Variants in ST8SIA2 observed in about 807,000 individuals in gnomAD.
ST8SIA2 encodes the protein ST8 alpha-N-acetyl-neuraminide alpha-2,8-sialyltransferase 2, also known as alpha-2,8-sialyltransferase 8B.
In ST8SIA2, 22 loss-of-function variants were observed where a neutral mutation model predicts 37.6. The ratio of observed to expected loss-of-function variants is 0.58; its 90% confidence interval spans 0.42 to 0.83. ST8SIA2 has a LOEUF of 0.83. ST8SIA2 is among the 40% of genes least tolerant of loss of function. The pLI is 0.00. For synonymous variants in ST8SIA2, 205 were observed against 201.2 expected, an observed-to-expected ratio of 1.02 and a Z score of -0.16; for missense variants, 382 against 484.7, an observed-to-expected ratio of 0.79 and a Z score of 1.99.
chr15:92,442,465 A>G (rs1445868428), intron 4 of ST8SIA2, among the ~76,000 whole-genome samples: 19 of 151,940 alleles, frequency 1.3e-4, no homozygotes, highest in Admixed American at 9.8e-4. Context: ...CATCCCCTTC[A>G]TTCTCCTTGC....
At chr15:92,413,690 C>G (rs2049566691) in intron 1 of ST8SIA2, among the ~76,000 whole-genome samples, 1 of 152,220 alleles carries the variant, frequency 6.6e-6, no homozygotes, top group African/African-American at 2.4e-5. Context: ...AATCTCCTGT[C>G]CACTTGTCAG....
In ST8SIA2 at chr15:92,430,062, A is replaced by C; in HGVS notation, c.112A>C (p.Arg38=). ...TTTGTCTTGCAGGAATTCGGGAGGC[A>C]GAGGTACAATCAGATCAGCTGTGAA... ...IEEEIGNSGG[R]GTIRSAVNSL... The change falls in exon 2 of 6, where the codon AGA becomes CGA. Residue 38 remains arginine, a synonymous_variant. Transcript: ENST00000268164. The C allele has an allele frequency of 6.2e-7, 1 of 1,614,214 alleles. No individual in the cohort carries two copies. Among genetic ancestry groups the C allele is most frequent in the Non-Finnish European group, 8.5e-7 (1 of 1,180,028 alleles).
chr15:92,422,282 C>G (rs1033799182), intron 1 of ST8SIA2: 32 of 152,234 alleles, frequency 2.1e-4, no homozygotes, highest in African/African-American at 7.5e-4. Flanking sequence ...TCCAGATGTC[C>G]TTAGCAGTTA....
At chr15:92,453,851 G>C (rs2049900420) in intron 5 of ST8SIA2, among the ~76,000 whole-genome samples, 1 of 152,216 alleles carries the variant, frequency 6.6e-6, no homozygotes, top group African/African-American at 2.4e-5. Flanking sequence ...GCCCTCCATT[G>C]GCTCATAGAT....
At chr15:92,401,891 T>G (rs1385725527) in intron 1 of ST8SIA2, among the ~76,000 whole-genome samples, 5 of 143,470 alleles carry the variant, frequency 3.5e-5, no homozygotes, top group East Asian at 2.0e-4. Flanking sequence ...CACAGAGGAG[T>G]GGTGATCTGA....
chr15:92,409,261 T>C (rs537718375), intron 1 of ST8SIA2, among the ~76,000 whole-genome samples: 4 of 152,222 alleles, frequency 2.6e-5, no homozygotes, highest in Non-Finnish European at 5.9e-5. Flanking sequence ...TCCTCAGTCT[T>C]GTATTAGGGA....
At chr15:92,433,586 G>A (rs969038578) in intron 2 of ST8SIA2, among the ~76,000 whole-genome samples, 2 of 152,162 alleles carry the variant, frequency 1.3e-5, no homozygotes, top group South Asian at 4.1e-4. Flanking sequence ...AGGCTCCCCC[G>A]GGATCGATTT....
At chr15:92,449,136 C>A (rs777970222) in intron 5 of ST8SIA2, among the ~76,000 whole-genome samples, 3 of 152,102 alleles carry the variant, frequency 2.0e-5, no homozygotes, top group Non-Finnish European at 4.4e-5. Flanking sequence ...ACTTAGTACC[C>A]AACAGTTTTT....
intron 1 of ST8SIA2, among the ~76,000 whole-genome samples, chr15:92,406,994 C>CA (rs1163260963): frequency 0.027 from 1,353 of 51,016 alleles, 21 homozygotes; most frequent in African/African-American, 0.062. Flanking sequence ...AACCCTGTCT[C>CA]AAAAAAAAAA....
intron 5 of ST8SIA2, among the ~76,000 whole-genome samples, chr15:92,451,881 CT>C (rs2141844921): frequency 6.6e-6 from 1 of 152,272 alleles, no homozygotes; most frequent in Admixed American, 6.5e-5. Flanking sequence ...CCATTTGCCC[CT>C]ATTACACATA....
At chr15:92,412,045 T>C (rs1283361134) in intron 1 of ST8SIA2, among the ~76,000 whole-genome samples, 1 of 152,000 alleles carries the variant, frequency 6.6e-6, no homozygotes, top group Non-Finnish European at 1.5e-5. Context: ...TCAGGCCAGG[T>C]TGTCGGCAGA....
intron 1 of ST8SIA2, among the ~76,000 whole-genome samples, chr15:92,406,866 C>T (rs60407423): frequency 0.32 from 48,281 of 151,630 alleles, 8,914 homozygotes; most frequent in Non-Finnish European, 0.41. Context: ...TGGTGGTGTG[C>T]GCCTGTAATC....
At chr15:92,411,731 G>A (rs543704326) in intron 1 of ST8SIA2, among the ~76,000 whole-genome samples, 4 of 152,154 alleles carry the variant, frequency 2.6e-5, no homozygotes, top group Non-Finnish European at 4.4e-5. Flanking sequence ...CCTCAATGGT[G>A]GGCAGCTGGG....
chr15:92,396,534 C>T (rs2049432034), intron 1 of ST8SIA2, among the ~76,000 whole-genome samples: 1 of 151,168 alleles, frequency 6.6e-6, no homozygotes, highest in Non-Finnish European at 1.5e-5. Flanking sequence ...CATTCTGTCG[C>T]CCAGGATGGA....
chr15:92,404,680 A>AAG (rs1465751477), intron 1 of ST8SIA2, among the ~76,000 whole-genome samples: 1 of 151,508 alleles, frequency 6.6e-6, no homozygotes, highest in Non-Finnish European at 1.5e-5. Context: ...AAAAAAAAAA[A>AAG]AAAAAATTAG....
intron 1 of ST8SIA2, among the ~76,000 whole-genome samples, chr15:92,427,607 G>A (rs937858281): frequency 1.3e-5 from 2 of 151,956 alleles, no homozygotes; most frequent in African/African-American, 4.8e-5. Context: ...ACACTCCTCA[G>A]CCCTCATCAA....
intron 3 of ST8SIA2, among the ~76,000 whole-genome samples, chr15:92,436,301 C>T (rs1349850537): frequency 6.6e-6 from 1 of 151,930 alleles, no homozygotes; most frequent in South Asian, 2.1e-4. Context: ...ACCCATGGTC[C>T]CCAATGTCCC....
At chr15:92,401,664 C>A (rs1045360361) in intron 1 of ST8SIA2, among the ~76,000 whole-genome samples, 2 of 152,180 alleles carry the variant, frequency 1.3e-5, no homozygotes, top group Middle Eastern at 3.2e-3. Flanking sequence ...CCTTTGACTT[C>A]CCAAACTGCT....
In ST8SIA2 at chr15:92,394,097, C is replaced by T. The variant is rs1418526924; in HGVS notation, c.33C>T (p.Ala11=). MQLQFRSWML[A]ALTLLVVFLI... ...TGCAGTTCCGGAGCTGGATGCTGGCCGCGCTCACGCTGCTCGTGGTCTTCC... is the reference window on the plus strand; with the variant it reads ...TGCAGTTCCGGAGCTGGATGCTGGCTGCGCTCACGCTGCTCGTGGTCTTCC... Residue 11 remains alanine, a synonymous_variant, in exon 1 of 6, where the codon GCC becomes GCT. Coordinates refer to ENST00000268164, the MANE Select transcript of ST8SIA2 (RefSeq NM_006011.4). 6.4e-6 allele frequency: 10 copies of T among 1,557,658 alleles called. No individual in the cohort carries two copies. The highest frequency in any genetic ancestry group is 7.8e-6 in the Non-Finnish European group (9 of 1,149,836).
Sources: gnomAD v4.1 joint callset for allele counts (sites outside exome capture counted in the v4.1 genomes callset) on GRCh38, gnomAD v4.1.1 for gene constraint, MANE v1.5 for transcripts, NCBI Gene and HGNC (gene_info 2026-07-23, HGNC 2026-07-21) for gene names.